Variants in M1AP observed in about 807,000 individuals in gnomAD.
The protein encoded by M1AP is meiosis 1 associated protein.
Under a neutral mutation model 51.2 loss-of-function variants are expected in M1AP, and 39 were observed. The ratio of observed to expected loss-of-function variants is 0.76; its 90% confidence interval spans 0.59 to 1.00. The LOEUF (loss-of-function observed/expected upper bound fraction) is 1.00, where lower values mean the gene tolerates loss of function less well. Ranked by LOEUF, M1AP falls within the 50% of genes least tolerant of loss-of-function variation. The probability of loss-of-function intolerance (pLI) is 0.00; values close to 1 mark genes in which losing one functional copy is unlikely to be tolerated. For missense variants in M1AP, 545 were observed against 641.2 expected, an observed-to-expected ratio of 0.85 and a Z score of 1.62; for synonymous variants, 251 against 249.2, an observed-to-expected ratio of 1.01 and a Z score of -0.07.
chr2:74,648,089 G>C (rs368218331), intron 1 of M1AP, 176 bp downstream of exon 1: 3 of 985,436 alleles, frequency 3.0e-6, no homozygotes, highest in East Asian at 2.3e-4. Context: ...GGATGACTCC[G>C]ACAGCGATTT....
chr2:74,632,314 C>G (rs980835610), intron 2 of M1AP, among the ~76,000 whole-genome samples: 3 of 152,170 alleles, frequency 2.0e-5, no homozygotes, highest in African/African-American at 7.2e-5. Flanking sequence ...GATTCAGAAC[C>G]CCTAGCTGGT....
intron 2 of M1AP, chr2:74,628,469 G>T: frequency 7.1e-6 from 3 of 421,840 alleles, no homozygotes; most frequent in Non-Finnish European, 1.4e-5. Context: ...CCATACCCAT[G>T]ATAACCACTG....
At chr2:74,619,203 GTCC>G in intron 2 of M1AP, 1 of 202,674 alleles carries the variant, frequency 4.9e-6, no homozygotes, top group South Asian at 7.5e-5. Context: ...CAGTTATGAG[GTCC>G]CTGTCTATGT....
chr2:74,558,570 C>A lies in M1AP; in HGVS notation c.*146G>T. 1.1e-6 allele frequency: 1 copy of A among 896,788 alleles called. No individual in the cohort carries two copies. Among genetic ancestry groups the A allele is most frequent in the Non-Finnish European group, 1.7e-6 (1 of 591,790 alleles). 55.6% of individuals were successfully genotyped at this position (896,788 alleles called of 1,614,324 possible). ...CTTGAGGAGTGGGACAGCACTGAAA[C>A]AGGACAGGAAGGCTGTTGTTTCCCA... On this transcript the variant is annotated 3_prime_UTR_variant, in exon 11 of 11. Coordinates refer to ENST00000421985, the MANE Select transcript of M1AP (RefSeq NM_001321739.2).
chr2:74,612,229 G>GT (rs1681409411), intron 3 of M1AP, among the ~76,000 whole-genome samples: 1 of 151,686 alleles, frequency 6.6e-6, no homozygotes, highest in Non-Finnish European at 1.5e-5. Flanking sequence ...GTTTTTGTTT[G>GT]TTTTTAAGAG....
intron 2 of M1AP, among the ~76,000 whole-genome samples, chr2:74,621,244 T>G (rs1682009711): frequency 6.6e-6 from 1 of 151,628 alleles, no homozygotes; most frequent in Non-Finnish European, 1.5e-5. Context: ...ATCGCGCCAC[T>G]GCACTCCAGC....
intron 2 of M1AP, chr2:74,619,300 G>C (rs1196976869): frequency 5.9e-6 from 1 of 170,432 alleles, no homozygotes; most frequent in Non-Finnish European, 1.3e-5. Flanking sequence ...ACAACCCTGG[G>C]GGTGGAATTT....
At chr2:74,582,343 T>G (rs1679458152) in intron 4 of M1AP, among the ~76,000 whole-genome samples, 1 of 152,240 alleles carries the variant, frequency 6.6e-6, no homozygotes, top group Admixed American at 6.5e-5. Flanking sequence ...ATGTTTGGTA[T>G]AGCATTGCTG....
intron 4 of M1AP, among the ~76,000 whole-genome samples, chr2:74,606,271 C>G (rs1020477568): frequency 2.0e-4 from 30 of 152,338 alleles, no homozygotes; most frequent in African/African-American, 7.2e-4. Flanking sequence ...GGCATTAAAT[C>G]TCAAGGATGG....
At chr2:74,559,169 T>C (rs1209687591) in intron 10 of M1AP, among the ~76,000 whole-genome samples, 3 of 151,898 alleles carry the variant, frequency 2.0e-5, no homozygotes, top group African/African-American at 7.2e-5. Context: ...AATGAATTTT[T>C]TTTTTTTTTG....
At chr2:74,629,629 G>T (rs1682590314) in intron 2 of M1AP, among the ~76,000 whole-genome samples, 1 of 152,006 alleles carries the variant, frequency 6.6e-6, no homozygotes, top group Non-Finnish European at 1.5e-5. Flanking sequence ...GCGGGCACCT[G>T]TAATCCCAGA....
intron 7 of M1AP, among the ~76,000 whole-genome samples, chr2:74,572,525 T>C (rs139321906): frequency 2.4e-3 from 359 of 152,292 alleles, no homozygotes; most frequent in African/African-American, 8.2e-3. Context: ...CTCACTCTGT[T>C]TCTCAGGCTA....
chr2:74,622,193 GAT>G (rs1395676239), intron 2 of M1AP, among the ~76,000 whole-genome samples: 2 of 152,032 alleles, frequency 1.3e-5, no homozygotes, highest in African/African-American at 4.8e-5. Context: ...TGATATTTTG[GAT>G]ATGTCAGGAC....
chr2:74,625,931 G>A (rs749444159), intron 2 of M1AP, among the ~76,000 whole-genome samples: 2 of 152,180 alleles, frequency 1.3e-5, no homozygotes, highest in Admixed American at 1.3e-4. Flanking sequence ...TGGAGAATAC[G>A]TATTCTGGGC....
chr2:74,634,873 T>A (rs1188871734), intron 2 of M1AP, among the ~76,000 whole-genome samples: 1 of 152,198 alleles, frequency 6.6e-6, no homozygotes, highest in Non-Finnish European at 1.5e-5. Flanking sequence ...TTCTTTTTAA[T>A]TGCTGAATTC....
At chr2:74,590,457 A>G (rs1465900562) in intron 4 of M1AP, among the ~76,000 whole-genome samples, 1 of 152,132 alleles carries the variant, frequency 6.6e-6, no homozygotes, top group Admixed American at 6.6e-5. Flanking sequence ...GGGGCGGGAT[A>G]CAACATTCAG....
chr2:74,621,210 A>C (rs1682006027), intron 2 of M1AP, among the ~76,000 whole-genome samples: 1 of 151,570 alleles, frequency 6.6e-6, no homozygotes, highest in African/African-American at 2.4e-5. Flanking sequence ...TGAACCCGGG[A>C]GGTGGAGGTT....
intron 7 of M1AP, among the ~76,000 whole-genome samples, chr2:74,565,325 A>G (rs1365059784): frequency 2.0e-5 from 3 of 152,236 alleles, no homozygotes; most frequent in Admixed American, 6.5e-5. Context: ...AAAGAAAACT[A>G]TAGATCAATA....
chr2:74,606,003 C>T (rs1355742666), intron 4 of M1AP, among the ~76,000 whole-genome samples: 1 of 152,124 alleles, frequency 6.6e-6, no homozygotes, highest in Non-Finnish European at 1.5e-5. Flanking sequence ...CAACTCAACA[C>T]AAAAGGAATG....
Sources: allele counts gnomAD v4.1 joint callset (sites outside exome capture counted in the v4.1 genomes callset), GRCh38; gene constraint gnomAD v4.1.1; transcripts MANE v1.5; gene names NCBI Gene and HGNC (gene_info 2026-07-23, HGNC 2026-07-21).